ITPR2: variants seen among roughly 807,000 people sequenced by gnomAD.
ITPR2 encodes the protein inositol 1,4,5-trisphosphate receptor type 2.
ITPR2 carries 207 observed loss-of-function variants against 317.1 expected under a neutral mutation model. The observed-to-expected ratio is 0.65, with a 90% confidence interval of 0.58 to 0.73. The LOEUF (loss-of-function observed/expected upper bound fraction) is 0.73. ITPR2 is among the 30% of genes least tolerant of loss of function. The pLI is 0.00. For missense variants in ITPR2, 2,613 were observed against 3,284.0 expected, an observed-to-expected ratio of 0.80 and a Z score of 4.99; for synonymous variants, 1,156 against 1,149.1, an observed-to-expected ratio of 1.01 and a Z score of -0.12.
At position 26,476,884 on chromosome 12, in the gene ITPR2, T is replaced by C. The variant is rs778058797; in HGVS notation, c.6219+28A>G. ...TTTTTTCCTTTTAGGCTACCCAATA[T>C]TGACCAAGCTTTTAAAAGTTTTCTT... is the stretch of plus-strand genomic sequence containing the variant. On this transcript the variant is annotated intron_variant, in intron 44 of 56. Coordinates refer to ENST00000381340, the MANE Select transcript of ITPR2 (RefSeq NM_002223.4). 9.2e-6 allele frequency: 14 copies of C among 1,521,312 alleles called. No homozygotes were observed. The East Asian group carries it at 2.9e-4, about 32-fold the overall frequency. 94.2% of individuals were successfully genotyped at this position (1,521,312 alleles called of 1,614,324 possible).
At chr12:26,628,503 G>A (rs781304130) in intron 22 of ITPR2, among the ~76,000 whole-genome samples, 2 of 152,180 alleles carry the variant, frequency 1.3e-5, no homozygotes, top group African/African-American at 4.8e-5. Flanking sequence ...ATTGTCTCTG[G>A]GAGGAGACTG....
Position 26,530,564 on chromosome 12 carries a change from C to G in ITPR2, c.5073+19683G>C, listed in dbSNP as rs77641790. On this transcript the variant is annotated intron_variant, in intron 37 of 56. Transcript: ENST00000381340. ...GGGCTATGAACTACTAGAATCAAGA[C>G]AGCTAATATTTCTATACATAAGCTA... Among the ~76,000 whole-genome samples, 840 of 152,288 alleles carry G rather than the reference C, an allele frequency of 5.5e-3. 9 individuals are homozygous for G. Among genetic ancestry groups the G allele is most frequent in the African/African-American group, 0.019 (797 of 41,556 alleles).
rs573026596 is a variant in ITPR2 at position 26,672,772 on chromosome 12, GA to G, written c.1410-6722del. On this transcript the variant is annotated intron_variant, in intron 13 of 56. Coordinates refer to ENST00000381340, the MANE Select transcript of ITPR2 (RefSeq NM_002223.4). ...CAATGAATCCAGGAGCTGGTTTTTTGAAAGGATCAACAAAATTGATAGACTG... is the reference window on the plus strand; with the variant it reads ...CAATGAATCCAGGAGCTGGTTTTTTGAAGGATCAACAAAATTGATAGACTG... Among the ~76,000 whole-genome samples, 1,301 of 152,144 alleles carry G rather than the reference GA, an allele frequency of 8.6e-3. 19 individuals are homozygous for G. The highest frequency in any genetic ancestry group is 0.029 in the African/African-American group (1,210 of 41,512).
At chr12:26,760,608 T>C (rs981568870) in intron 2 of ITPR2, among the ~76,000 whole-genome samples, 1 of 152,180 alleles carries the variant, frequency 6.6e-6, no homozygotes, top group African/African-American at 2.4e-5. Context: ...CTATAACAAA[T>C]GAACTTCTCT....
At chr12:26,505,710 G>T (rs1466172093) in intron 37 of ITPR2, among the ~76,000 whole-genome samples, 5 of 151,546 alleles carry the variant, frequency 3.3e-5, no homozygotes, top group African/African-American at 1.2e-4. Flanking sequence ...TTCCTTTTTG[G>T]CTGACCATTG....
At chr12:26,699,329 C>A (rs993085002) in intron 9 of ITPR2, among the ~76,000 whole-genome samples, 14 of 152,152 alleles carry the variant, frequency 9.2e-5, no homozygotes, top group Non-Finnish European at 2.1e-4. Context: ...TAGGATTACC[C>A]GTCCCTGACT....
At chr12:26,475,635 A>T (rs1021586330) in intron 44 of ITPR2, among the ~76,000 whole-genome samples, 3 of 152,138 alleles carry the variant, frequency 2.0e-5, no homozygotes, top group Admixed American at 2.0e-4. Context: ...TGATATTTGA[A>T]TGTTGATAGT....
At chr12:26,439,413 A>T in intron 46 of ITPR2, 94 bp from the exon 47 acceptor site, 1 of 896,092 alleles carries the variant, frequency 1.1e-6, no homozygotes, top group South Asian at 2.0e-5. Context: ...AGAATGTTTT[A>T]TGAATTCAGT....
At chr12:26,773,087 T>G (rs1949901235) in intron 2 of ITPR2, among the ~76,000 whole-genome samples, 2 of 152,200 alleles carry the variant, frequency 1.3e-5, no homozygotes, top group African/African-American at 4.8e-5. Flanking sequence ...CATGAACTCA[T>G]TCTTTTTTAT....
chr12:26,565,968 G>A (rs932614803), intron 34 of ITPR2, among the ~76,000 whole-genome samples: 2 of 19,964 alleles, frequency 1.0e-4, no homozygotes, highest in African/African-American at 2.1e-4. Context: ...AGAGGAGAGG[G>A]GAGGGGAGGG....
rs1355037680 is a variant in ITPR2 at position 26,580,928 on chromosome 12, A to G, written c.4381-773T>C. On this transcript the variant is annotated intron_variant, in intron 32 of 56. Coordinates refer to ENST00000381340, the MANE Select transcript of ITPR2 (RefSeq NM_002223.4). ...AAGATACCTAATTAAAAACACATGA[A>G]AAAAAGTTGGCTGGTGAAAAGACAG... Among the ~76,000 whole-genome samples the G allele has an allele frequency of 2.0e-5, 3 of 152,178 alleles. No individual in the cohort carries two copies. In the East Asian group the frequency reaches 5.8e-4, roughly 29 times the overall value.
intron 2 of ITPR2, among the ~76,000 whole-genome samples, chr12:26,742,018 C>T (rs1238214700): frequency 6.6e-6 from 1 of 152,156 alleles, no homozygotes; most frequent in Non-Finnish European, 1.5e-5. Flanking sequence ...ATCCCTGGAC[C>T]AGGTCTACAG....
chr12:26,405,526 A>G (rs1175691568), intron 52 of ITPR2, among the ~76,000 whole-genome samples: 1 of 152,258 alleles, frequency 6.6e-6, no homozygotes, highest in African/African-American at 2.4e-5. Context: ...AACATATTTT[A>G]GTGGCTCTGA....
intron 13 of ITPR2, among the ~76,000 whole-genome samples, chr12:26,674,326 T>A (rs1029227262): frequency 5.3e-5 from 8 of 152,162 alleles, no homozygotes; most frequent in Admixed American, 2.0e-4. Flanking sequence ...CAAAACAGCA[T>A]GGTACTGGTA....
chr12:26,789,512 T>G (rs12306011), intron 2 of ITPR2, among the ~76,000 whole-genome samples: 35,010 of 152,026 alleles, frequency 0.23, 4,313 homozygotes, highest in Non-Finnish European at 0.28. Context: ...ATTTTTATTA[T>G]TATAATTATG....
chr12:26,346,329 T>G (rs1172764180), intron 55 of ITPR2, among the ~76,000 whole-genome samples: 1 of 152,180 alleles, frequency 6.6e-6, no homozygotes, highest in Non-Finnish European at 1.5e-5. Context: ...GTGTCAAAAG[T>G]CAGCTGCGCT....
Position 26,364,268 on chromosome 12 carries a change from T to G in ITPR2, c.7857+23166A>C, listed in dbSNP as rs1486603233. On this transcript the variant is annotated intron_variant, in intron 55 of 56. Transcript: ENST00000381340. ...CATTACCATCAGGCAGACTATATTA[T>G]TTATCAATCGTATTGATGGCTTGTG... Among the ~76,000 whole-genome samples the G allele has an allele frequency of 2.6e-5, 4 of 152,238 alleles. No individual in the cohort carries two copies. The South Asian group carries it at 8.3e-4, about 31-fold the overall frequency.
At chr12:26,356,190 C>G (rs576707175) in intron 55 of ITPR2, among the ~76,000 whole-genome samples, 1 of 152,162 alleles carries the variant, frequency 6.6e-6, no homozygotes, top group Non-Finnish European at 1.5e-5. Flanking sequence ...TGGTGCACAG[C>G]TGGAAAGGCA....
At chr12:26,585,137 T>C (rs1413618325) in intron 32 of ITPR2, among the ~76,000 whole-genome samples, 1 of 152,194 alleles carries the variant, frequency 6.6e-6, no homozygotes, top group Non-Finnish European at 1.5e-5. Flanking sequence ...AAATTACTTA[T>C]AATCCTATAA....
Sources: gnomAD v4.1 joint callset for allele counts (sites outside exome capture counted in the v4.1 genomes callset) on GRCh38, gnomAD v4.1.1 for gene constraint, MANE v1.5 for transcripts, NCBI Gene and HGNC (gene_info 2026-07-23, HGNC 2026-07-21) for gene names.